The following CCSER1 variants were observed in gnomAD, a reference collection of about 807,000 sequenced individuals.
CCSER1 encodes serine-rich coiled-coil domain-containing protein 1.
A neutral mutation model predicts 82.0 loss-of-function variants in CCSER1; 41 were observed. That is an observed-to-expected ratio of 0.50 (90% confidence interval 0.39 to 0.65). The LOEUF is 0.65. CCSER1 is among the 30% of genes least tolerant of loss of function. The pLI, the probability that CCSER1 is intolerant of heterozygous loss-of-function variation, is 0.00. For synonymous variants in CCSER1, 414 were observed against 383.9 expected, an observed-to-expected ratio of 1.08 and a Z score of -0.92; for missense variants, 1,119 against 1,064.2, an observed-to-expected ratio of 1.05 and a Z score of -0.72.
chr4:91,184,794 A>G (rs1734367324), intron 10 of CCSER1, among the ~76,000 whole-genome samples: 1 of 152,116 alleles, frequency 6.6e-6, no homozygotes, highest in Admixed American at 6.6e-5. Flanking sequence ...TTCTAGTTCC[A>G]TACCAGGGAC....
intron 10 of CCSER1, among the ~76,000 whole-genome samples, chr4:91,402,129 G>T (rs1169879246): frequency 6.6e-6 from 1 of 152,148 alleles, no homozygotes; most frequent in East Asian, 1.9e-4. Flanking sequence ...GTTTTGATTT[G>T]CATTTCTCTG....
At chr4:91,301,584 T>C (rs963584761) in intron 10 of CCSER1, among the ~76,000 whole-genome samples, 2 of 151,162 alleles carry the variant, frequency 1.3e-5, no homozygotes, top group Non-Finnish European at 3.0e-5. Flanking sequence ...AGGGATATAT[T>C]AAGTAAGAAC....
intron 6 of CCSER1, among the ~76,000 whole-genome samples, chr4:90,712,751 T>C (rs11097263): frequency 0.45 from 68,285 of 151,460 alleles, 16,059 homozygotes; most frequent in African/African-American, 0.58. Context: ...AAGTCTCCCA[T>C]TATTATTGTG....
rs28417863 is a variant in CCSER1, at chr4:91,195,252, G to A, written c.2217+109258G>A. ...TCAAATTTTTACAAAATGTGTGCAT[G>A]GGGAGGCAGCTATCATTGGATGTGC... On this transcript the variant is annotated intron_variant, in intron 10 of 10. Coordinates refer to ENST00000509176, the MANE Select transcript of CCSER1 (RefSeq NM_001145065.2). Among the ~76,000 whole-genome samples the A allele has an allele frequency of 3.4e-3, 524 of 152,302 alleles. 4 individuals carry two copies. Among genetic ancestry groups the A allele is most frequent in the African/African-American group, 0.012 (506 of 41,580 alleles).
chr4:91,253,625 CAAT>C (rs1740438055), intron 10 of CCSER1, among the ~76,000 whole-genome samples: 1 of 152,104 alleles, frequency 6.6e-6, no homozygotes, highest in African/African-American at 2.4e-5. Flanking sequence ...ATAGACTTAA[CAAT>C]AAGATATAAA....
Position 91,531,965 on chromosome 4 carries a change from G to A in CCSER1, c.2218-66607G>A, listed in dbSNP as rs192371008. 3.4e-4 allele frequency among the ~76,000 whole-genome samples: 51 copies of A among 152,074 alleles called. 1 individual carries two copies. Among genetic ancestry groups the A allele is most frequent in the South Asian group, 2.1e-4 (1 of 4,816 alleles). ...TGTGCTCAAGGGAAATTTCTACCTC[G>A]GTCTCCCAATGTACTGGAATTACAG... On this transcript the variant is annotated intron_variant, in intron 10 of 10. Coordinates refer to ENST00000509176, the MANE Select transcript of CCSER1 (RefSeq NM_001145065.2).
At chr4:91,397,644 G>C (rs1250384262) in intron 10 of CCSER1, among the ~76,000 whole-genome samples, 1 of 152,002 alleles carries the variant, frequency 6.6e-6, no homozygotes, top group African/African-American at 2.4e-5. Flanking sequence ...AACATTGTTT[G>C]TATGAGATAG....
intron 5 of CCSER1, among the ~76,000 whole-genome samples, chr4:90,538,599 T>C (rs1036354864): frequency 3.3e-5 from 5 of 152,164 alleles, no homozygotes; most frequent in African/African-American, 1.2e-4. Flanking sequence ...CACAGTGTAT[T>C]ATTTTGTAGC....
At chr4:91,095,511 A>G (rs558466032) in intron 10 of CCSER1, among the ~76,000 whole-genome samples, 46 of 152,178 alleles carry the variant, frequency 3.0e-4, no homozygotes, top group African/African-American at 9.9e-4. Context: ...TTGATCAGCT[A>G]TCTCCCGTAA....
rs538630949 is a variant in CCSER1 at position 90,203,174 on chromosome 4, G to A, written c.-42+75343G>A. On this transcript the variant is annotated intron_variant, in intron 1 of 10. Coordinates refer to ENST00000509176, the MANE Select transcript of CCSER1 (RefSeq NM_001145065.2). The stretch of plus-strand genomic sequence containing the variant: ...TGAGTCTACTTTTAAATATTTAATC[G>A]TTTATGATAAAGTAGTTGATGATTT... 5.3e-4 allele frequency among the ~76,000 whole-genome samples: 80 copies of A among 152,154 alleles called. No homozygotes were observed. In the South Asian group the frequency reaches 0.015, roughly 29 times the overall value.
chr4:91,216,804 A>T (rs534535301), intron 10 of CCSER1, among the ~76,000 whole-genome samples: 1 of 152,156 alleles, frequency 6.6e-6, no homozygotes, highest in East Asian at 1.9e-4. Context: ...CATTTTACCA[A>T]TGAGTGAAAG....
At chr4:90,224,990 C>G (rs1445292684) in intron 1 of CCSER1, among the ~76,000 whole-genome samples, 1 of 152,030 alleles carries the variant, frequency 6.6e-6, no homozygotes, top group Non-Finnish European at 1.5e-5. Flanking sequence ...ATAAGACAGG[C>G]CTGTAAGATC....
chr4:90,640,125 A>G (rs947226683), intron 6 of CCSER1, among the ~76,000 whole-genome samples: 4 of 152,188 alleles, frequency 2.6e-5, no homozygotes, highest in Non-Finnish European at 5.9e-5. Flanking sequence ...CGATTTGGCA[A>G]TCCTTTGAAG....
In CCSER1 at chr4:90,691,957, G is replaced by A. The variant is rs188004586; in HGVS notation, c.1933-31957G>A. 5.4e-5 allele frequency among the ~76,000 whole-genome samples: 8 copies of A among 148,260 alleles called. No individual in the cohort carries two copies. In the East Asian group the frequency reaches 1.4e-3, roughly 26 times the overall value. On this transcript the variant is annotated intron_variant, in intron 6 of 10. Transcript: ENST00000509176. Reference sequence around the variant, plus strand: ...TAAGTGACATGTTAATGTATGTTCTGGAAGAACACACCAAAAAATAACTAA... The same window carrying A: ...TAAGTGACATGTTAATGTATGTTCTAGAAGAACACACCAAAAAATAACTAA...
At chr4:90,997,520 A>G (rs1233586928) in intron 9 of CCSER1, among the ~76,000 whole-genome samples, 1 of 152,166 alleles carries the variant, frequency 6.6e-6, no homozygotes, top group Non-Finnish European at 1.5e-5. Context: ...GGATTAGGGC[A>G]TAGACATCTT....
At chr4:91,225,234 A>G (rs1240715545) in intron 10 of CCSER1, among the ~76,000 whole-genome samples, 1 of 141,522 alleles carries the variant, frequency 7.1e-6, no homozygotes, top group Non-Finnish European at 1.5e-5. Context: ...AGTTATATAC[A>G]TGTATAATTA....
At chr4:91,479,592 T>A (rs994401900) in intron 10 of CCSER1, among the ~76,000 whole-genome samples, 9 of 151,704 alleles carry the variant, frequency 5.9e-5, no homozygotes, top group Admixed American at 5.3e-4. Flanking sequence ...CTCAATTTTT[T>A]AGTGACAATA....
intron 6 of CCSER1, among the ~76,000 whole-genome samples, chr4:90,721,705 G>T (rs1742711174): frequency 6.6e-6 from 1 of 151,382 alleles, no homozygotes; most frequent in Non-Finnish European, 1.5e-5. Context: ...ATCTTCAAAA[G>T]GTTTACGATA....
At chr4:91,092,217 A>G (rs1368744991) in intron 10 of CCSER1, among the ~76,000 whole-genome samples, 1 of 152,172 alleles carries the variant, frequency 6.6e-6, no homozygotes, top group Non-Finnish European at 1.5e-5. Context: ...AGTGAGTCCC[A>G]ATACCTTTGC....
Sources: allele counts gnomAD v4.1 joint callset (sites outside exome capture counted in the v4.1 genomes callset), GRCh38; gene constraint gnomAD v4.1.1; transcripts MANE v1.5; gene names NCBI Gene and HGNC (gene_info 2026-07-23, HGNC 2026-07-21).